ZKSCAN1: variants seen among roughly 807,000 people sequenced by gnomAD.
ZKSCAN1 encodes zinc finger protein with KRAB and SCAN domains 1.
A neutral mutation model predicts 51.6 loss-of-function variants in ZKSCAN1; 14 were observed. The observed-to-expected ratio is 0.27, with a 90% CI of 0.18 to 0.42. The LOEUF is 0.42. Among genes scored for constraint, ZKSCAN1 ranks in the 10% least tolerant of loss-of-function variants. The probability of loss-of-function intolerance (pLI) is 1.00; values close to 1 mark genes in which losing one functional copy is unlikely to be tolerated. For synonymous variants in ZKSCAN1, 263 were observed against 261.5 expected, an observed-to-expected ratio of 1.01 and a Z score of -0.06; for missense variants, 531 against 710.0, an observed-to-expected ratio of 0.75 and a Z score of 2.86.
chr7:100,037,286 A>G lies in ZKSCAN1; in HGVS notation c.*3089A>G. 1.0e-6 allele frequency: 1 copy of G among 985,458 alleles called. No individual in the cohort carries two copies. The highest frequency in any genetic ancestry group is 1.2e-6 in the Non-Finnish European group (1 of 829,940). The allele number at this position is 985,458 out of a possible 1,614,324, so 61.0% of individuals were successfully genotyped here. On this transcript the variant is annotated 3_prime_UTR_variant, in exon 6 of 6. Transcript: ENST00000324306. ...ATGGAAATTTTTGAAGAGTTTTTCA[A>G]TATATACCCTACCCTTGCCAGGAAG...
Position 100,038,182 on chromosome 7 carries a change from C to T in ZKSCAN1, c.*3985C>T, listed in dbSNP as rs772934892. The stretch of plus-strand genomic sequence containing the variant: ...ATATATTTTATATGACCATAATGTC[C>T]GTGTGTGTTTTGTACCTTCAGTCCC... On this transcript the variant is annotated 3_prime_UTR_variant, in exon 6 of 6. Transcript: ENST00000324306. The T allele has an allele frequency of 1.3e-5, 13 of 985,158 alleles. No individual in the cohort carries two copies. The highest frequency in any genetic ancestry group is 1.1e-4 in the East Asian group (1 of 8,820). 61.0% of individuals were successfully genotyped at this position (985,158 alleles called of 1,614,324 possible). A position where few individuals can be genotyped will look rare whatever the true frequency, so the allele number is the denominator to read the frequency against.
Position 100,037,659 on chromosome 7 carries a change from C to T in ZKSCAN1, c.*3462C>T, listed in dbSNP as rs2035183515. 2.0e-6 allele frequency: 2 copies of T among 985,454 alleles called. No individual in the cohort carries two copies. The highest frequency in any genetic ancestry group is 2.4e-6 in the Non-Finnish European group (2 of 829,930). 61.0% of individuals were successfully genotyped at this position (985,454 alleles called of 1,614,324 possible). On this transcript the variant is annotated 3_prime_UTR_variant, in exon 6 of 6. Transcript: ENST00000324306. ...CTTTCATGTATAGCACTCATTGCTT[C>T]AGACAGAAAATGAATTCCGTCGGTA... is the stretch of plus-strand genomic sequence containing the variant.
At chr7:100,032,091 A>AAAAACG (rs1491135791) in intron 5 of ZKSCAN1, among the ~76,000 whole-genome samples, 1 of 152,212 alleles carries the variant, frequency 6.6e-6, no homozygotes, top group Non-Finnish European at 1.5e-5. Context: ...AAACAAAAAC[A>AAAAACG]AAACAAAGTT....
At chr7:100,043,517 G>A (rs1387364270), downstream of ZKSCAN1, among the ~76,000 whole-genome samples, 1 of 151,512 alleles carries the variant, frequency 6.6e-6, no homozygotes, top group African/African-American at 2.4e-5. Context: ...GGGACTACAG[G>A]CATGCATCAC....
Position 100,036,799 on chromosome 7 carries a change from GA to G in ZKSCAN1, c.*2605del. ...ACCCAAGCACTTATTTTTTAAGAGG[GA>G]AAGGACTTTGGTCATGTTTACATTG... is the stretch of plus-strand genomic sequence containing the variant. On this transcript the variant is annotated 3_prime_UTR_variant, in exon 6 of 6. Transcript: ENST00000324306. 1 of 982,130 alleles carries G rather than the reference GA, an allele frequency of 1.0e-6. No individual in the cohort carries two copies. Among genetic ancestry groups the G allele is most frequent in the Admixed American group, 6.3e-5 (1 of 15,776 alleles). The allele number at this position is 982,130 out of a possible 1,614,324, so 60.8% of individuals were successfully genotyped here.
Position 100,033,176 on chromosome 7 carries a change from G to C in ZKSCAN1, c.800-129G>C. Reference sequence around the variant, plus strand: ...GACAGAGCGAGACTCTGTCTCAAAGGAAATAAAAATAAAAATATTGCAAAG... The same window carrying C: ...GACAGAGCGAGACTCTGTCTCAAAGCAAATAAAAATAAAAATATTGCAAAG... On this transcript the variant is annotated intron_variant, in intron 5 of 5. Transcript: ENST00000324306. The surrounding 1 kb of genome is among the most constrained non-coding windows in gnomAD (Gnocchi z 4.1). The C allele has an allele frequency of 7.0e-7, 1 of 1,424,862 alleles. No individual in the cohort carries two copies. Among genetic ancestry groups the C allele is most frequent in the Non-Finnish European group, 9.2e-7 (1 of 1,088,578 alleles). The allele number at this position is 1,424,862 out of a possible 1,614,324, so 88.3% of individuals were successfully genotyped here. A position where few individuals can be genotyped will look rare whatever the true frequency, so the allele number is the denominator to read the frequency against.
rs1041817907 is a variant in ZKSCAN1, at chr7:100,041,353, A to G, written c.*7156A>G. Reference sequence around the variant, plus strand: ...TTTTTAATTGAATGTGTTCATTTAAAATCCTCCTTAACATTTCTAGAAAGA... The same window carrying G: ...TTTTTAATTGAATGTGTTCATTTAAGATCCTCCTTAACATTTCTAGAAAGA... On this transcript the variant is annotated 3_prime_UTR_variant, in exon 6 of 6. Transcript: ENST00000324306. 11 of 985,190 alleles carry G rather than the reference A, an allele frequency of 1.1e-5. No individual in the cohort carries two copies. In the African/African-American group the frequency reaches 1.9e-4, roughly 17 times the overall value. 61.0% of individuals were successfully genotyped at this position (985,190 alleles called of 1,614,324 possible).
chr7:100,041,778 C>T, downstream of ZKSCAN1: 1 of 975,898 alleles, frequency 1.0e-6, no homozygotes, highest in Non-Finnish European at 1.2e-6. Context: ...AAAAGTATTC[C>T]AAAGTTAAAA....
At chr7:100,022,263 C>T (rs1790623565) in intron 1 of ZKSCAN1, among the ~76,000 whole-genome samples, 1 of 152,214 alleles carries the variant, frequency 6.6e-6, no homozygotes, top group Non-Finnish European at 1.5e-5. Flanking sequence ...CCATGTTGAC[C>T]AGGATGGTCC....
chr7:100,042,896 C>G (rs1791635823), downstream of ZKSCAN1, among the ~76,000 whole-genome samples: 1 of 151,310 alleles, frequency 6.6e-6, no homozygotes, highest in Non-Finnish European at 1.5e-5. Flanking sequence ...CTCCCGGGTT[C>G]CCGCCATTCT....
At chr7:100,030,957 G>C (rs1430955580) in intron 5 of ZKSCAN1, among the ~76,000 whole-genome samples, 1 of 152,186 alleles carries the variant, frequency 6.6e-6, no homozygotes, top group Non-Finnish European at 1.5e-5. Context: ...TCTATGAAGA[G>C]CTCTGGGTCC....
chr7:100,016,288 A>G (rs190718611), intron 1 of ZKSCAN1, among the ~76,000 whole-genome samples: 8 of 152,258 alleles, frequency 5.3e-5, no homozygotes, highest in Non-Finnish European at 5.9e-5. Context: ...GCCTAGTCAT[A>G]GTGGATAAAT....
At chr7:100,041,822 T>C (rs4729568), downstream of ZKSCAN1, 498,512 of 869,630 alleles carry the variant, frequency 0.57, 144,225 homozygotes, top group East Asian at 0.86. Context: ...AAAATTCTCA[T>C]GCAAAACTAT....
intron 3 of ZKSCAN1, among the ~76,000 whole-genome samples, chr7:100,028,994 G>T (rs1450175362): frequency 6.6e-6 from 1 of 151,620 alleles, no homozygotes; most frequent in South Asian, 2.1e-4. Flanking sequence ...GAGAAACCCC[G>T]CCTCTACTAA....
At position 100,034,113 on chromosome 7, in the gene ZKSCAN1, C is replaced by T; in HGVS notation, c.1608C>T (p.His536=). The T allele has an allele frequency of 6.2e-7, 1 of 1,604,728 alleles. No individual in the cohort carries two copies. The highest frequency in any genetic ancestry group is 8.5e-7 in the Non-Finnish European group (1 of 1,176,746). ...FTRSSTLTLH[H]RIHARERASE... ...GCAGCTCCACCCTCACTCTGCATCACAGAATCCATGCCAGAGAGAGAGCCT... is the reference window on the plus strand; with the variant it reads ...GCAGCTCCACCCTCACTCTGCATCATAGAATCCATGCCAGAGAGAGAGCCT... Residue 536 remains histidine (H), a synonymous_variant, in exon 6 of 6, where the codon CAC becomes CAT. Transcript: ENST00000324306.
In ZKSCAN1 at chr7:100,037,747, G is replaced by A. The variant is rs944227929; in HGVS notation, c.*3550G>A. The A allele has an allele frequency of 9.1e-6, 9 of 984,542 alleles. No homozygotes were observed. Among genetic ancestry groups the A allele is most frequent in the African/African-American group, 5.2e-5 (3 of 57,234 alleles). 61.0% of individuals were successfully genotyped at this position (984,542 alleles called of 1,614,324 possible). A position where few individuals can be genotyped will look rare whatever the true frequency, so the allele number is the denominator to read the frequency against. Reference sequence around the variant, plus strand: ...GGGAGCTCAATCTTGGCCGGGCGCCGTGGCTCACGCCTGTAATCGCAGCAC... The same window carrying A: ...GGGAGCTCAATCTTGGCCGGGCGCCATGGCTCACGCCTGTAATCGCAGCAC... On this transcript the variant is annotated 3_prime_UTR_variant, in exon 6 of 6. Coordinates refer to ENST00000324306, the MANE Select transcript of ZKSCAN1 (RefSeq NM_003439.4).
chr7:100,029,885 C>T lies in ZKSCAN1; in HGVS notation c.605C>T (p.Ala202Val), dbSNP rs138748181. The part of the protein sequence containing the change: ...SRALPAAHIP[A>V]PPHEGSPRDQ... ...GCTCTTCCTGCTGCCCACATTCCTGCACCCCCTCATGAGGGTAGTCCCAGA... is the reference window on the plus strand; with the variant it reads ...GCTCTTCCTGCTGCCCACATTCCTGTACCCCCTCATGAGGGTAGTCCCAGA... Residue 202 changes from alanine to valine, a missense_variant, in exon 4 of 6, where the codon GCA becomes GTA. By Grantham distance (64) the Ala-to-Val change is moderately conservative. Transcript: ENST00000324306. 9.2e-5 allele frequency: 149 copies of T among 1,614,168 alleles called. No individual in the cohort carries two copies. In the African/African-American group the frequency reaches 1.9e-3, roughly 21 times the overall value.
chr7:100,043,974 G>A (rs1293709809), downstream of ZKSCAN1, among the ~76,000 whole-genome samples: 3 of 150,928 alleles, frequency 2.0e-5, no homozygotes, highest in South Asian at 4.2e-4. Flanking sequence ...ACGGGGTTTC[G>A]CCATGTTGGC....
At chr7:100,027,720 C>T (rs1790902961) in intron 3 of ZKSCAN1, among the ~76,000 whole-genome samples, 1 of 149,618 alleles carries the variant, frequency 6.7e-6, no homozygotes, top group African/African-American at 2.5e-5. Flanking sequence ...TGCACTCCAG[C>T]CTGGGCAACA....
Sources: gnomAD v4.1 joint callset for allele counts (sites outside exome capture counted in the v4.1 genomes callset) on GRCh38, gnomAD v4.1.1 for gene constraint, Gnocchi (gnomAD v3.1) non-coding constraint, MANE v1.5 for transcripts, NCBI Gene and HGNC (gene_info 2026-07-23, HGNC 2026-07-21) for gene names.